Variants in ZP3 observed in about 807,000 individuals in gnomAD.
ZP3 encodes zona pellucida glycoprotein 3.
A neutral mutation model predicts 35.6 loss-of-function variants in ZP3; 21 were observed. The observed-to-expected ratio is 0.59, with a 90% CI of 0.42 to 0.85. The LOEUF is 0.85. Ranked by LOEUF, ZP3 falls within the 40% of genes least tolerant of loss-of-function variation. The pLI, the probability that ZP3 is intolerant of heterozygous loss-of-function variation, is 0.00. For synonymous variants in ZP3, 207 were observed against 214.5 expected (o/e 0.96, Z 0.31); for missense variants, 437 against 536.5 (o/e 0.81, Z 1.83).
At chr7:76,428,667 T>C (rs1410681253) in intron 1 of ZP3, 2 of 152,390 alleles carry the variant, frequency 1.3e-5, no homozygotes, top group Non-Finnish European at 2.9e-5. Flanking sequence ...TAGAAGCTGA[T>C]GTGGGTTGTT....
At chr7:76,423,755 G>T (rs113695940), upstream of ZP3, among the ~76,000 whole-genome samples, 2 of 151,914 alleles carry the variant, frequency 1.3e-5, no homozygotes, top group Non-Finnish European at 2.9e-5. Context: ...CCAGTTACTC[G>T]GGAGAGTAAG....
intron 1 of ZP3, chr7:76,428,798 CA>C (rs1398402434): frequency 1.2e-4 from 18 of 152,670 alleles, no homozygotes; most frequent in African/African-American, 3.6e-4. Flanking sequence ...TCTTCTGCCT[CA>C]GTCTCCCGAG....
chr7:76,416,816 C>CTCTCTCTA (rs548167165), intron 1 of ZP3, among the ~76,000 whole-genome samples: 10 of 143,732 alleles, frequency 7.0e-5, no homozygotes, highest in Admixed American at 4.9e-4. Flanking sequence ...CTCTCTCTCT[C>CTCTCTCTA]TATATATATA....
In ZP3 at chr7:76,429,771, T is replaced by C. The variant is rs1023675533; in HGVS notation, c.431+138T>C. The C allele has an allele frequency of 4.0e-6, 3 of 757,932 alleles. No homozygotes were observed. In the African/African-American group the frequency reaches 5.2e-5, roughly 13 times the overall value. 47.0% of individuals were successfully genotyped at this position (757,932 alleles called of 1,614,324 possible). The stretch of plus-strand genomic sequence containing the variant: ...CCGAAGCATTTGCAGCTGTGGTTAC[T>C]GTACTGCGTGGGATTGTGGGGCCTG... On this transcript the variant is annotated intron_variant, in intron 2 of 7. Coordinates refer to ENST00000394857, the MANE Select transcript of ZP3 (RefSeq NM_001110354.2).
At chr7:76,422,418 C>A (rs1805524184), upstream of ZP3, among the ~76,000 whole-genome samples, 1 of 152,008 alleles carries the variant, frequency 6.6e-6, no homozygotes, top group Non-Finnish European at 1.5e-5. Flanking sequence ...GTGGCTCACG[C>A]CTATAATCCC....
At chr7:76,400,896 G>T in intron 1 of ZP3, 2 of 1,381,560 alleles carry the variant, frequency 1.4e-6, no homozygotes, top group Non-Finnish European at 2.0e-6. Context: ...TGAGATGGGG[G>T]CATCTAGAGT....
At position 76,425,110 on chromosome 7, in the gene ZP3, C is replaced by A. The variant is rs570702038; in HGVS notation, c.146C>A (p.Ala49Asp). ...CCCGTACTGGTGGAGTGTCAGGAGGCCACTCTGATGGTCATGGTCAGCAAA... is the reference window on the plus strand; with the variant it reads ...CCCGTACTGGTGGAGTGTCAGGAGGACACTCTGATGGTCATGGTCAGCAAA... ...VQPVLVECQE[A>D]TLMVMVSKDL... Residue 49 changes from alanine to aspartate, a missense_variant, in exon 1 of 8, where the codon GCC becomes GAC. Ala to Asp is a moderately radical substitution (Grantham distance 126, BLOSUM62 -2). Transcript: ENST00000394857. 1 of 1,613,904 alleles carries A rather than the reference C, an allele frequency of 6.2e-7. No homozygotes were observed. The highest frequency in any genetic ancestry group is 2.2e-5 in the East Asian group (1 of 44,872).
In ZP3 at chr7:76,436,047, T is replaced by C. The variant is rs1584070716; in HGVS notation, c.831+1892T>C. 3.9e-4 allele frequency among the ~76,000 whole-genome samples: 16 copies of C among 40,534 alleles called. 1 individual carries two copies. The East Asian group carries it at 6.0e-3, about 15-fold the overall frequency. The allele number at this position is 40,534 out of a possible 152,430, so 26.6% of individuals were successfully genotyped here. A position where few individuals can be genotyped will look rare whatever the true frequency, so the allele number is the denominator to read the frequency against. On this transcript the variant is annotated intron_variant, in intron 5 of 7. Coordinates refer to ENST00000394857, the MANE Select transcript of ZP3 (RefSeq NM_001110354.2). ...CCCGCCCCCTTTTTTTTTTTTTTTT[T>C]TTTTTTTTTTTTTTTTTTTTTTTTT...
chr7:76,441,032 G>A (rs1256932588), intron 7 of ZP3, among the ~76,000 whole-genome samples: 23 of 150,986 alleles, frequency 1.5e-4, no homozygotes, highest in Admixed American at 6.0e-4. Flanking sequence ...TTAGCTGGGC[G>A]TGGTGGTACA....
chr7:76,401,067 T>C, intron 1 of ZP3: 1 of 1,534,860 alleles, frequency 6.5e-7, no homozygotes, highest in South Asian at 1.2e-5. Context: ...AGGAAGAGCA[T>C]TGGCCCCTCT....
intron 1 of ZP3, among the ~76,000 whole-genome samples, chr7:76,399,509 C>T (rs1219660538): frequency 6.6e-6 from 1 of 151,964 alleles, no homozygotes; most frequent in Admixed American, 6.6e-5. Flanking sequence ...ACGTGGAGCG[C>T]ATGGCCAGTG....
chr7:76,411,143 C>A (rs1286199977), intron 1 of ZP3, among the ~76,000 whole-genome samples: 1 of 152,010 alleles, frequency 6.6e-6, no homozygotes, highest in Non-Finnish European at 1.5e-5. Context: ...CCCTGAAGTC[C>A]AGATTCCATT....
At chr7:76,400,436 G>A (rs754293744) in intron 1 of ZP3, 28 of 1,606,658 alleles carry the variant, frequency 1.7e-5, no homozygotes, top group Admixed American at 6.7e-5. Flanking sequence ...GCAAGGGGCC[G>A]TGGCACGGGC....
At chr7:76,435,690 C>T (rs150174730) in intron 5 of ZP3, among the ~76,000 whole-genome samples, 9 of 151,946 alleles carry the variant, frequency 5.9e-5, no homozygotes, top group East Asian at 1.9e-4. Context: ...TGTAAAACTC[C>T]ATGAACTTCA....
At position 76,433,630 on chromosome 7, in the gene ZP3, C is replaced by T. The variant is rs2115918358; in HGVS notation, c.696C>T (p.Thr232=). 2 of 1,608,922 alleles carry T rather than the reference C, an allele frequency of 1.2e-6. No homozygotes were observed. The highest frequency in any genetic ancestry group is 1.7e-6 in the Non-Finnish European group (2 of 1,176,488). Residue 232 remains threonine (T), a synonymous_variant, in exon 4 of 8, where the codon ACC becomes ACT. Transcript: ENST00000394857. ...TPDQNASPYH[T]IVDFHGCLVD... ...ACCAGAATGCCTCCCCTTATCACACCATCGTGGACTTCCATGGGTGAGCAC... is the reference window on the plus strand; with the variant it reads ...ACCAGAATGCCTCCCCTTATCACACTATCGTGGACTTCCATGGGTGAGCAC...
intron 1 of ZP3, among the ~76,000 whole-genome samples, chr7:76,416,899 T>A (rs901244870): frequency 7.3e-6 from 1 of 136,700 alleles, no homozygotes; most frequent in African/African-American, 2.9e-5. Flanking sequence ...TATATACACA[T>A]ACATATGTAT....
chr7:76,433,545 C>T lies in ZP3; in HGVS notation c.611C>T (p.Thr204Ile). 1.2e-6 allele frequency: 2 copies of T among 1,614,220 alleles called. No homozygotes were observed. The highest frequency in any genetic ancestry group is 1.7e-6 in the Non-Finnish European group (2 of 1,180,042). ...DAAHLQAEIHTGSHVPLRLFV... is the reference protein window; with the variant it reads ...DAAHLQAEIHIGSHVPLRLFV... The stretch of plus-strand genomic sequence containing the variant: ...GCCCACCTCCAGGCAGAAATCCACA[C>T]TGGCAGCCACGTGCCACTGCGGTTG... Residue 204 changes from threonine (T) to isoleucine (I), a missense_variant, in exon 4 of 8, where the codon ACT becomes ATT. Around this residue, in one of 6 missense-constraint regions of ZP3, gnomAD observed 352 missense variants for 308.4 expected, o/e 1.14. Coordinates refer to ENST00000394857, the MANE Select transcript of ZP3 (RefSeq NM_001110354.2).
chr7:76,428,829 G>T (rs1245251956), intron 1 of ZP3: 1 of 152,240 alleles, frequency 6.6e-6, no homozygotes, highest in Non-Finnish European at 1.5e-5. Flanking sequence ...TTACAGGCAC[G>T]TGCCACCACA....
At position 76,429,555 on chromosome 7, in the gene ZP3, A is replaced by G; in HGVS notation, c.353A>G (p.His118Arg). The change falls in exon 2 of 8, where the codon CAT (histidine) becomes CGT (arginine). Residue 118 changes from histidine (H) to arginine (R), a missense_variant. By Grantham distance (29) the His-to-Arg change is conservative. Coordinates refer to ENST00000394857, the MANE Select transcript of ZP3 (RefSeq NM_001110354.2). ...CTGGTGTACAGCACCTTCCTGCTCC[A>G]TGACCCCCGCCCCGTGGGAAACCTG... ...DALVYSTFLL[H>R]DPRPVGNLSI... 1 of 1,614,002 alleles carries G rather than the reference A, an allele frequency of 6.2e-7. No individual in the cohort carries two copies. Among genetic ancestry groups the G allele is most frequent in the Non-Finnish European group, 8.5e-7 (1 of 1,179,968 alleles).
Sources: allele counts gnomAD v4.1 joint callset (sites outside exome capture counted in the v4.1 genomes callset), GRCh38; gene constraint gnomAD v4.1.1; regional missense constraint gnomAD v4.1.1; transcripts MANE v1.5; gene names NCBI Gene and HGNC (gene_info 2026-07-23, HGNC 2026-07-21).